MYO15A: variants seen among roughly 807,000 people sequenced by gnomAD.
MYO15A encodes the protein myosin XVA.
In MYO15A, 308 loss-of-function variants were observed where a neutral mutation model predicts 394.6. That is an observed-to-expected ratio of 0.78 (90% CI 0.71 to 0.86). MYO15A has a LOEUF of 0.86. Ranked by LOEUF, MYO15A falls within the 40% of genes least tolerant of loss-of-function variation. The pLI is 0.00. For synonymous variants in MYO15A, 1,957 were observed against 2,003.8 expected, an observed-to-expected ratio of 0.98 and a Z score of 0.62; for missense variants, 4,606 against 4,799.1, an observed-to-expected ratio of 0.96 and a Z score of 1.19.
At chr17:18,128,216 G>A (rs948847479) in intron 7 of MYO15A, among the ~76,000 whole-genome samples, 3 of 152,244 alleles carry the variant, frequency 2.0e-5, no homozygotes, top group Non-Finnish European at 4.4e-5. Flanking sequence ...CTGGGCAGTG[G>A]AGGAGGAGCA....
At position 18,122,106 on chromosome 17, in the gene MYO15A, G is replaced by A. The variant is rs942014701; in HGVS notation, c.3306G>A (p.Lys1102=). ...APIRAPEPLP[K]GGERRQAAPG... ...TCAGGGCCCCAGAGCCCCTGCCCAA[G>A]GGGGGTGAACGGCGCCAGGCAGCCC... Residue 1102 remains lysine, a synonymous_variant, in exon 2 of 66, where the codon AAG becomes AAA. Transcript: ENST00000647165. 36 of 1,612,728 alleles carry A rather than the reference G, an allele frequency of 2.2e-5. No individual in the cohort carries two copies. Among genetic ancestry groups the A allele is most frequent in the Admixed American group, 5.0e-5 (3 of 60,008 alleles).
At chr17:18,115,481 G>GGTCTCATGGGACTCACACA (rs2045772163) in intron 1 of MYO15A, among the ~76,000 whole-genome samples, 1 of 152,160 alleles carries the variant, frequency 6.6e-6, no homozygotes, top group Non-Finnish European at 1.5e-5. Flanking sequence ...AGCTGGGCGT[G>GGTCTCATGGGACTCACACA]GCGGTGTGTG....
chr17:18,137,723 C>T (rs748314444), intron 16 of MYO15A, 44 bp downstream of exon 16: 25 of 1,584,152 alleles, frequency 1.6e-5, no homozygotes, highest in Non-Finnish European at 2.2e-5. Flanking sequence ...CTTGACTGGC[C>T]AGTGGACCTC....
Position 18,151,468 on chromosome 17 carries a change from C to A in MYO15A, c.7728C>A (p.Ile2576=), listed in dbSNP as rs775174169. 3.1e-6 allele frequency: 5 copies of A among 1,614,204 alleles called. No homozygotes were observed. In the South Asian group the frequency reaches 5.5e-5, roughly 18 times the overall value. The change falls in exon 40 of 66, where the codon ATC becomes ATA. Residue 2576 remains isoleucine (I), a synonymous_variant. Transcript: ENST00000647165. ...SEHFPQPTQQ[I]KNIVRQYQQP... The stretch of plus-strand genomic sequence containing the variant: ...ACTTCCCACAGCCCACACAGCAGAT[C>A]AAGAATATTGTCAGGCAGTACCAGC...
rs955198277 is a variant in MYO15A, at chr17:18,120,494, T to G, written c.1694T>G (p.Val565Gly). ...LGFGPEFGRP[V>G]PRPATSLARF... The stretch of plus-strand genomic sequence containing the variant: ...TTCGGCCCTGAGTTTGGCCGCCCCG[T>G]GCCTCGCCCTGCCACCTCGCTTGCG... Residue 565 changes from valine (V) to glycine (G), a missense_variant, in exon 2 of 66, where the codon GTG becomes GGG. This residue lies in a region of MYO15A where 1,830 missense variants were observed against 1,689.7 expected (regional missense o/e 1.08). Transcript: ENST00000647165. 5.7e-6 allele frequency: 9 copies of G among 1,573,984 alleles called. No homozygotes were observed. The Admixed American group carries it at 1.5e-4, about 26-fold the overall frequency.
At chr17:18,162,482 C>T (rs2046790450) in intron 57 of MYO15A, 103 bp from the exon 58 acceptor site, 2 of 1,026,486 alleles carry the variant, frequency 1.9e-6, no homozygotes, top group Admixed American at 2.0e-5. Flanking sequence ...TTCCCCACAG[C>T]TTGTGGAGAG....
At chr17:18,110,316 C>G (rs1008659097) in intron 1 of MYO15A, 1 of 152,160 alleles carries the variant, frequency 6.6e-6, no homozygotes, top group African/African-American at 2.4e-5. Flanking sequence ...CATGGCAGCC[C>G]GAGCTTCTTT....
Position 18,137,567 on chromosome 17 carries a change from C to A in MYO15A, c.4780-17C>A. On this transcript the variant is annotated splice_polypyrimidine_tract_variant and intron_variant, in intron 15 of 65. Coordinates refer to ENST00000647165, the MANE Select transcript of MYO15A (RefSeq NM_016239.4). ...GCCAAGGAAGGACCAGTCCCAGCAC[C>A]CCCATCCACCTGGCAGGACCTGAGC... is the stretch of plus-strand genomic sequence containing the variant. 6.2e-7 allele frequency: 1 copy of A among 1,612,116 alleles called. No homozygotes were observed. The highest frequency in any genetic ancestry group is 8.5e-7 in the Non-Finnish European group (1 of 1,179,274).
intron 56 of MYO15A, 155 bp from the exon 57 acceptor site, chr17:18,161,162 A>C (rs1214010019): frequency 8.6e-7 from 1 of 1,162,068 alleles, no homozygotes; most frequent in Non-Finnish European, 1.2e-6. Flanking sequence ...TCCCAAGCAG[A>C]ATATGCCTTT....
At position 18,120,262 on chromosome 17, in the gene MYO15A, T is replaced by C; in HGVS notation, c.1462T>C (p.Phe488Leu). 2.5e-6 allele frequency: 4 copies of C among 1,611,832 alleles called. No individual in the cohort carries two copies. The highest frequency in any genetic ancestry group is 3.4e-6 in the Non-Finnish European group (4 of 1,179,518). The part of the protein sequence containing the change: ...RLFPRPQVKL[F>L]GKEKLEVPLP... ...CTTCCCGCGACCCCAGGTGAAGCTG[T>C]TTGGGAAGGAGAAGCTGGAGGTGCC... The change falls in exon 2 of 66, where the codon TTT becomes CTT. Residue 488 changes from phenylalanine (F) to leucine (L), a missense_variant. By Grantham distance (22) the Phe-to-Leu change is conservative. This residue lies in a region of MYO15A where 1,830 missense variants were observed against 1,689.7 expected (regional missense o/e 1.08). Coordinates refer to ENST00000647165, the MANE Select transcript of MYO15A (RefSeq NM_016239.4).
At chr17:18,170,660 C>T (rs552761193) in intron 62 of MYO15A, among the ~76,000 whole-genome samples, 64 of 152,126 alleles carry the variant, frequency 4.2e-4, no homozygotes, top group African/African-American at 1.5e-3. Flanking sequence ...CGCTAGCCAC[C>T]GCGCCTTGCC....
chr17:18,141,670 C>T lies in MYO15A; in HGVS notation c.5549C>T (p.Ala1850Val). ...CCTACCAGGTACTGCTGTCTAGTGG[C>T]CCTCAAGCATGACCTGCCGGCTAAT... ...GFIDRYCCLV[A>V]LKHDLPANGD... Residue 1850 changes from alanine (A) to valine (V), a missense_variant, in exon 23 of 66, where the codon GCC becomes GTC. Coordinates refer to ENST00000647165, the MANE Select transcript of MYO15A (RefSeq NM_016239.4). The T allele has an allele frequency of 6.2e-7, 1 of 1,614,012 alleles. No homozygotes were observed. Among genetic ancestry groups the T allele is most frequent in the Middle Eastern group, 1.6e-4 (1 of 6,062 alleles).
Position 18,121,425 on chromosome 17 carries a change from C to A in MYO15A, c.2625C>A (p.Leu875=), listed in dbSNP as rs1456471717. The A allele has an allele frequency of 1.3e-6, 2 of 1,544,482 alleles. No individual in the cohort carries two copies. Among genetic ancestry groups the A allele is most frequent in the Non-Finnish European group, 1.7e-6 (2 of 1,146,214 alleles). The part of the protein sequence containing the change: ...PSRLPHTWRR[L]SEPPTRAVKP... ...GCCTCCCGCACACGTGGCGGCGCCTCAGCGAGCCACCCACTCGGGCTGTGA... is the reference window on the plus strand; with the variant it reads ...GCCTCCCGCACACGTGGCGGCGCCTAAGCGAGCCACCCACTCGGGCTGTGA... The change falls in exon 2 of 66, where the codon CTC becomes CTA. Residue 875 remains leucine (L), a synonymous_variant. Transcript: ENST00000647165. The surrounding 1 kb of genome is among the most constrained non-coding windows in gnomAD (Gnocchi z 5.3).
At chr17:18,145,499 A>G (rs1384593196) in intron 29 of MYO15A, among the ~76,000 whole-genome samples, 1 of 152,174 alleles carries the variant, frequency 6.6e-6, no homozygotes, top group Non-Finnish European at 1.5e-5. Flanking sequence ...AGATCCCTTG[A>G]GTCCAGGAGT....
chr17:18,140,421 C>T, intron 19 of MYO15A, 96 bp from the exon 20 acceptor site: 4 of 1,543,378 alleles, frequency 2.6e-6, no homozygotes, highest in South Asian at 2.3e-5. Flanking sequence ...TCTTCAGATC[C>T]CCCTGGTCCG....
At chr17:18,110,361 G>C (rs995838430) in intron 1 of MYO15A, 7 of 152,236 alleles carry the variant, frequency 4.6e-5, no homozygotes, top group African/African-American at 1.2e-4. Flanking sequence ...GTGAGGCAGT[G>C]GTTGAGACTG....
intron 65 of MYO15A, chr17:18,178,057 T>C (rs1054067564): frequency 6.4e-6 from 1 of 155,706 alleles, no homozygotes; most frequent in Admixed American, 6.2e-5. Context: ...ATTGATTGGA[T>C]TCATATTTTT....
intron 50 of MYO15A, chr17:18,157,490 C>T: frequency 1.0e-6 from 1 of 976,336 alleles, no homozygotes; most frequent in Non-Finnish European, 1.5e-6. Flanking sequence ...TGAGAGTCCA[C>T]AAACCCTGCT....
Position 18,134,719 on chromosome 17 carries a change from CA to C in MYO15A, c.4483-983del, listed in dbSNP as rs199609779. Among the ~76,000 whole-genome samples, 427 of 151,314 alleles carry C rather than the reference CA, an allele frequency of 2.8e-3. 5 individuals carry two copies. Among genetic ancestry groups the C allele is most frequent in the Admixed American group, 0.022 (339 of 15,226 alleles). On this transcript the variant is annotated intron_variant, in intron 12 of 65. Coordinates refer to ENST00000647165, the MANE Select transcript of MYO15A (RefSeq NM_016239.4). The stretch of plus-strand genomic sequence containing the variant: ...GCAACATAGCAAGACCTCATCTCTA[CA>C]AAAAAAAATTATTTTTAAAAAAGAA...
Sources: gnomAD v4.1 joint callset for allele counts (sites outside exome capture counted in the v4.1 genomes callset) on GRCh38, gnomAD v4.1.1 for gene constraint, gnomAD v4.1.1 regional missense constraint, Gnocchi (gnomAD v3.1) non-coding constraint, MANE v1.5 for transcripts, NCBI Gene and HGNC (gene_info 2026-07-23, HGNC 2026-07-21) for gene names.